Variants in UBAP2L observed in about 807,000 individuals in gnomAD.
The protein encoded by UBAP2L is ubiquitin-associated protein 2-like.
A neutral mutation model predicts 130.6 loss-of-function variants in UBAP2L; 12 were observed. The ratio of observed to expected loss-of-function variants is 0.09; its 90% CI spans 0.06 to 0.15. The LOEUF (loss-of-function observed/expected upper bound fraction) is 0.15, where lower values mean the gene tolerates loss of function less well. UBAP2L is among the 10% of genes least tolerant of loss of function. UBAP2L has a pLI of 1.00. For synonymous variants in UBAP2L, 503 were observed against 524.7 expected (o/e 0.96, Z 0.57); for missense variants, 965 against 1,332.5 (o/e 0.72, Z 4.29).
At chr1:154,266,792 G>A (rs1030416031) in intron 25 of UBAP2L, among the ~76,000 whole-genome samples, 6 of 151,838 alleles carry the variant, frequency 4.0e-5, no homozygotes, top group Admixed American at 2.0e-4. Flanking sequence ...AAGGTAAAGC[G>A]TGGCAAATTG....
intron 10 of UBAP2L, among the ~76,000 whole-genome samples, chr1:154,244,436 C>T (rs756233774): frequency 6.6e-6 from 1 of 152,084 alleles, no homozygotes; most frequent in Non-Finnish European, 1.5e-5. Flanking sequence ...AGTGCAGTGG[C>T]GTGATCTTGG....
upstream of UBAP2L, chr1:154,220,200 C>T (rs1665410192): frequency 9.4e-7 from 1 of 1,063,578 alleles, no homozygotes; most frequent in South Asian, 1.3e-5. Flanking sequence ...GACTTAAACT[C>T]CCACCTACTC....
intron 16 of UBAP2L, 124 bp from the exon 17 acceptor site, chr1:154,255,028 C>T: frequency 7.1e-7 from 1 of 1,409,148 alleles, no homozygotes; most frequent in Non-Finnish European, 9.7e-7. Flanking sequence ...AAGATTCTAC[C>T]TAATATAGTC....
chr1:154,264,271 G>T (rs1022044878), intron 24 of UBAP2L, among the ~76,000 whole-genome samples: 1 of 152,162 alleles, frequency 6.6e-6, no homozygotes, highest in African/African-American at 2.4e-5. Flanking sequence ...TTGCTCTGTG[G>T]AGTGTGACCA....
At chr1:154,221,478 T>G (rs1666055086) in intron 1 of UBAP2L, 2 of 151,700 alleles carry the variant, frequency 1.3e-5, no homozygotes, top group African/African-American at 4.8e-5. Flanking sequence ...CCTCCTCTGA[T>G]CCGGATCCGG....
rs373511715 is a variant in UBAP2L at position 154,267,984 on chromosome 1, G to A, written c.2971-773G>A. 4.2e-5 allele frequency among the ~76,000 whole-genome samples: 6 copies of A among 144,042 alleles called. No individual in the cohort carries two copies. The East Asian group carries it at 6.7e-4, about 16-fold the overall frequency. 94.5% of individuals were successfully genotyped at this position (144,042 alleles called of 152,430 possible). On this transcript the variant is annotated intron_variant, in intron 25 of 26. Coordinates refer to ENST00000428931, the MANE Select transcript of UBAP2L (RefSeq NM_014847.4). Reference sequence around the variant, plus strand: ...GGCTCACCATAACCTCCGCCTCTCGGGTTCAAGCGATTCTCCTGCCTCAGC... The same window carrying A: ...GGCTCACCATAACCTCCGCCTCTCGAGTTCAAGCGATTCTCCTGCCTCAGC...
intron 5 of UBAP2L, 118 bp from the exon 6 acceptor site, chr1:154,235,078 C>G (rs1671165063): frequency 4.5e-6 from 3 of 669,730 alleles, no homozygotes; most frequent in South Asian, 1.7e-5. Flanking sequence ...TTTTTAATTC[C>G]CAATACCATA....
chr1:154,254,741 T>G, intron 15 of UBAP2L, 95 bp from the exon 16 acceptor site: 1 of 1,323,848 alleles, frequency 7.6e-7, no homozygotes. Flanking sequence ...CTCCTAAAGA[T>G]TTGTTGACCA....
chr1:154,235,708 C>T (rs942062100), intron 6 of UBAP2L, among the ~76,000 whole-genome samples: 3 of 152,194 alleles, frequency 2.0e-5, no homozygotes, highest in African/African-American at 7.2e-5. Flanking sequence ...TGGGCTTTCA[C>T]TACATTGGCC....
chr1:154,250,723 G>A (rs573934410), intron 12 of UBAP2L, among the ~76,000 whole-genome samples: 1 of 151,886 alleles, frequency 6.6e-6, no homozygotes, highest in Admixed American at 6.6e-5. Context: ...GCATGGTGGC[G>A]CGCGCCTGTA....
intron 11 of UBAP2L, among the ~76,000 whole-genome samples, chr1:154,248,869 A>G (rs562169449): frequency 6.6e-6 from 1 of 152,304 alleles, no homozygotes; most frequent in African/African-American, 2.4e-5. Context: ...TATCCCTGAG[A>G]AGCAGGGAGA....
In UBAP2L at chr1:154,270,770, G is replaced by GTTTTTTTTTTTT. The variant is rs370017648; in HGVS notation, c.*480_*491dup. ...AATTAGTTGAAGTGGTTTTTTTTTT[G>GTTTTTTTTTTTT]TTTTTTTTTTTTTTTTGTACTGTGT... is the stretch of plus-strand genomic sequence containing the variant. On this transcript the variant is annotated 3_prime_UTR_variant, in exon 27 of 27. Transcript: ENST00000428931. 278 of 922,348 alleles carry GTTTTTTTTTTTT rather than the reference G, an allele frequency of 3.0e-4. 2 individuals carry two copies. Among genetic ancestry groups the GTTTTTTTTTTTT allele is most frequent in the East Asian group, 1.2e-3 (14 of 11,226 alleles). The allele number at this position is 922,348 out of a possible 1,614,324, so 57.1% of individuals were successfully genotyped here. A position where few individuals can be genotyped will look rare whatever the true frequency, so the allele number is the denominator to read the frequency against.
At chr1:154,255,457 C>A in intron 17 of UBAP2L, 131 bp downstream of exon 17, 1 of 1,293,654 alleles carries the variant, frequency 7.7e-7, no homozygotes, top group Non-Finnish European at 1.1e-6. Flanking sequence ...GACCTAAGAA[C>A]TGTGGGAAGT....
At position 154,251,635 on chromosome 1, in the gene UBAP2L, T is replaced by C. The variant is rs1677629283; in HGVS notation, c.1646T>C (p.Leu549Pro). The C allele has an allele frequency of 6.2e-7, 1 of 1,614,112 alleles. No individual in the cohort carries two copies. The highest frequency in any genetic ancestry group is 1.1e-5 in the South Asian group (1 of 91,088). Reference protein sequence around the residue: ...SASSSQAPSSLYTSTASESSS... With the variant: ...SASSSQAPSSPYTSTASESSS... Reference sequence around the variant, plus strand: ...TCTTCAAGCCAGGCTCCAAGTAGCCTGTATACCAGCACGGCCAGGTAGAGG... The same window carrying C: ...TCTTCAAGCCAGGCTCCAAGTAGCCCGTATACCAGCACGGCCAGGTAGAGG... Residue 549 changes from leucine to proline, a missense_variant, in exon 14 of 27, where the codon CTG becomes CCG. Leu to Pro is a moderately conservative substitution (Grantham distance 98). This residue lies in a region of UBAP2L where 393 missense variants were observed against 408.1 expected (regional missense o/e 0.96). Coordinates refer to ENST00000428931, the MANE Select transcript of UBAP2L (RefSeq NM_014847.4).
At chr1:154,220,408 G>A (rs1200364138), upstream of UBAP2L, 7 of 1,614,226 alleles carry the variant, frequency 4.3e-6, no homozygotes, top group Non-Finnish European at 5.9e-6. Flanking sequence ...CGGACGCCAT[G>A]GCCTCCCTAC....
chr1:154,252,706 T>C (rs1409166684), intron 14 of UBAP2L, among the ~76,000 whole-genome samples: 1 of 151,256 alleles, frequency 6.6e-6, no homozygotes, highest in Non-Finnish European at 1.5e-5. Flanking sequence ...ATTACAGGCA[T>C]GCACCACCAT....
chr1:154,270,030 G>A (rs906849226), intron 26 of UBAP2L, among the ~76,000 whole-genome samples, 170 bp from the exon 27 acceptor site: 3 of 152,106 alleles, frequency 2.0e-5, no homozygotes, highest in Admixed American at 1.3e-4. Flanking sequence ...CTTCCTGCTT[G>A]TAAGAAAGGG....
intron 6 of UBAP2L, among the ~76,000 whole-genome samples, chr1:154,235,727 C>G (rs1671457043): frequency 6.6e-6 from 1 of 152,094 alleles, no homozygotes; most frequent in African/African-American, 2.4e-5. Flanking sequence ...CCAGGCTGGC[C>G]TCGAACTCCT....
chr1:154,224,749 A>G (rs1667397758), intron 1 of UBAP2L, among the ~76,000 whole-genome samples: 1 of 152,220 alleles, frequency 6.6e-6, no homozygotes, highest in African/African-American at 2.4e-5. Flanking sequence ...TCCTTCTGTC[A>G]AAGGTACTTC....
Sources: allele counts gnomAD v4.1 joint callset (sites outside exome capture counted in the v4.1 genomes callset), GRCh38; gene constraint gnomAD v4.1.1; regional missense constraint gnomAD v4.1.1; transcripts MANE v1.5; gene names NCBI Gene and HGNC (gene_info 2026-07-23, HGNC 2026-07-21).